The following PDCD4 variants were observed in gnomAD, a reference collection of about 807,000 sequenced individuals.
PDCD4 encodes the protein programmed cell death protein 4.
A neutral mutation model predicts 54.0 loss-of-function variants in PDCD4; 56 were observed. The ratio of observed to expected loss-of-function variants is 1.04; its 90% CI spans 0.84 to 1.30. The LOEUF (loss-of-function observed/expected upper bound fraction) is 1.30. Ranked by LOEUF, PDCD4 falls within the 50% of genes most tolerant of loss-of-function variation. The probability of loss-of-function intolerance (pLI) is 0.00; values close to 1 mark genes in which losing one functional copy is unlikely to be tolerated. For synonymous variants in PDCD4, 186 were observed against 194.8 expected (o/e 0.95, Z 0.37); for missense variants, 584 against 559.8 (o/e 1.04, Z -0.44).
At chr10:110,896,751 TCA>T (rs1161630371) in intron 11 of PDCD4, among the ~76,000 whole-genome samples, 1 of 152,166 alleles carries the variant, frequency 6.6e-6, no homozygotes, top group African/African-American at 2.4e-5. Flanking sequence ...CTTGTGTGGG[TCA>T]GTTTTATATA....
chr10:110,895,523 T>C (rs1391021354), intron 10 of PDCD4, among the ~76,000 whole-genome samples: 1 of 152,184 alleles, frequency 6.6e-6, no homozygotes, highest in African/African-American at 2.4e-5. Context: ...CTGTTGTGAA[T>C]AGTACCCGAT....
chr10:110,886,390 A>G (rs1403559070), intron 5 of PDCD4, among the ~76,000 whole-genome samples: 2 of 152,152 alleles, frequency 1.3e-5, no homozygotes, highest in African/African-American at 2.4e-5. Context: ...CAGTTAAGAT[A>G]GTTTTCCAGG....
intron 2 of PDCD4, among the ~76,000 whole-genome samples, chr10:110,879,100 T>C (rs1885788): frequency 1 from 151,879 of 152,338 alleles, 75,710 homozygotes; most frequent in East Asian, 1. Context: ...TCTTTAAAAG[T>C]GTAACATTAT....
At position 110,896,035 on chromosome 10, in the gene PDCD4, T is replaced by C. The variant is rs1365471615; in HGVS notation, c.1297T>C (p.Cys433Arg). 2.5e-6 allele frequency: 4 copies of C among 1,611,464 alleles called. No individual in the cohort carries two copies. Among genetic ancestry groups the C allele is most frequent in the Non-Finnish European group, 8.5e-7 (1 of 1,178,324 alleles). The change falls in exon 11 of 12, where the codon TGT (cysteine) becomes CGT (arginine). Residue 433 changes from cysteine (C) to arginine (R), a missense_variant. Transcript: ENST00000280154. The stretch of plus-strand genomic sequence containing the variant: ...TGTGCTGGAGCGGTTTGTAGAAGAA[T>C]GTTTTCAGGCTGGAATAATTTCCAA... ...YSVLERFVEE[C>R]FQAGIISKQL...
intron 6 of PDCD4, 23 bp from the exon 7 acceptor site, chr10:110,889,510 T>C (rs754160800): frequency 7.6e-7 from 1 of 1,320,344 alleles, no homozygotes; most frequent in East Asian, 2.3e-5. Flanking sequence ...TTTTTATAGC[T>C]CTTTTTTTTT....
chr10:110,887,800 A>G lies in PDCD4; in HGVS notation c.691A>G (p.Met231Val), dbSNP rs769124369. The change falls in exon 6 of 12, where the codon ATG (methionine) becomes GTG (valine). Residue 231 changes from methionine to valine, a missense_variant. Transcript: ENST00000280154. ...TCTTTCTGACCTTTGTGGGACAGTAATGAGCACAACTGATGTGGAAAAATC... is the reference window on the plus strand; with the variant it reads ...TCTTTCTGACCTTTGTGGGACAGTAGTGAGCACAACTGATGTGGAAAAATC... ...KLLSDLCGTV[M>V]STTDVEKSFD... 6.2e-6 allele frequency: 10 copies of G among 1,613,668 alleles called. No individual in the cohort carries two copies. Among genetic ancestry groups the G allele is most frequent in the South Asian group, 2.2e-5 (2 of 91,080 alleles).
chr10:110,879,105 CATT>C (rs1487674516), intron 2 of PDCD4, among the ~76,000 whole-genome samples: 1 of 152,148 alleles, frequency 6.6e-6, no homozygotes, highest in Non-Finnish European at 1.5e-5. Context: ...AAAAGTGTAA[CATT>C]ATTATTTATC....
At chr10:110,876,603 AAT>A in intron 2 of PDCD4, 3 of 455,006 alleles carry the variant, frequency 6.6e-6, no homozygotes, top group Non-Finnish European at 1.1e-5. Context: ...TGATTTCTGT[AAT>A]ATAAACTTAC....
intron 6 of PDCD4, among the ~76,000 whole-genome samples, chr10:110,888,508 A>T (rs569357308): frequency 1.3e-5 from 2 of 152,314 alleles, no homozygotes; most frequent in South Asian, 4.1e-4. Context: ...AAATGATTAC[A>T]TAAGTTTATA....
rs143809858 is a variant in PDCD4, at chr10:110,890,645, A to G, written c.965A>G (p.Gln322Arg). 2.0e-4 allele frequency: 328 copies of G among 1,609,360 alleles called. 1 individual carries two copies. Among genetic ancestry groups the G allele is most frequent in the Non-Finnish European group, 2.6e-4 (308 of 1,176,052 alleles). ...DSVWGSGGGQ[Q>R]SVNHLVKEID... The stretch of plus-strand genomic sequence containing the variant: ...GTGTGGGGCTCTGGAGGTGGGCAGC[A>G]ATCTGTCAATCACCTTGTTAAAGAG... Residue 322 changes from glutamine (Q) to arginine (R), a missense_variant, in exon 8 of 12, where the codon CAA (glutamine) becomes CGA (arginine). By Grantham distance (43) the Gln-to-Arg change is conservative. Transcript: ENST00000280154.
At position 110,876,892 on chromosome 10, in the gene PDCD4, T is replaced by G. The variant is rs1590726607; in HGVS notation, c.43+822T>G. On this transcript the variant is annotated intron_variant, in intron 2 of 11. Transcript: ENST00000280154. ...TTTGGATAATTCTTTGTCTTATAAT[T>G]TTATTAATATTGAAAGCTATTTTCT... 3 of 379,690 alleles carry G rather than the reference T, an allele frequency of 7.9e-6. No homozygotes were observed. The East Asian group carries it at 1.1e-4, about 15-fold the overall frequency. 23.5% of individuals were successfully genotyped at this position (379,690 alleles called of 1,614,324 possible).
chr10:110,895,953 T>C lies in PDCD4; in HGVS notation c.1215T>C (p.Tyr405=). ...ATGTAATTTCATTGTTGTAGGGTTA[T>C]GAGAGAATTTACAATGAAATTCCGG... is the stretch of plus-strand genomic sequence containing the variant. ...TITVDQMKRG[Y]ERIYNEIPDI... The change falls in exon 11 of 12, where the codon TAT becomes TAC. Residue 405 remains tyrosine, a synonymous_variant. Coordinates refer to ENST00000280154, the MANE Select transcript of PDCD4 (RefSeq NM_014456.5). The C allele has an allele frequency of 6.3e-6, 10 of 1,597,868 alleles. No homozygotes were observed. Among genetic ancestry groups the C allele is most frequent in the Non-Finnish European group, 8.5e-6 (10 of 1,171,958 alleles).
intron 1 of PDCD4, among the ~76,000 whole-genome samples, chr10:110,874,769 TTA>T (rs1484609912): frequency 1.3e-5 from 2 of 152,128 alleles, no homozygotes; most frequent in Admixed American, 1.3e-4. Context: ...GGCTATAAAC[TTA>T]TGTTAGCAAA....
At chr10:110,875,905 C>T in intron 1 of PDCD4, 61 bp from the exon 2 acceptor site, 1 of 608,124 alleles carries the variant, frequency 1.6e-6, no homozygotes, top group Non-Finnish European at 2.7e-6. Flanking sequence ...AAGTTTAATT[C>T]AGCTTAATTA....
In PDCD4 at chr10:110,899,716, G is replaced by C. The variant is rs1191722221; in HGVS notation, c.*1628G>C. 6.6e-6 allele frequency: 1 copy of C among 151,782 alleles called. No homozygotes were observed. Among genetic ancestry groups the C allele is most frequent in the African/African-American group, 2.4e-5 (1 of 41,226 alleles). The allele number at this position is 151,782 out of a possible 1,614,324, so 9.4% of individuals were successfully genotyped here. On this transcript the variant is annotated 3_prime_UTR_variant, in exon 12 of 12. Coordinates refer to ENST00000280154, the MANE Select transcript of PDCD4 (RefSeq NM_014456.5). ...GGAGGCTGAGGCAGGAGAATTGCTT[G>C]AACCTGGGAGGCAGAGGTTGCAGTG...
At chr10:110,873,758 A>G (rs953651802) in intron 1 of PDCD4, among the ~76,000 whole-genome samples, 6 of 152,194 alleles carry the variant, frequency 3.9e-5, no homozygotes, top group East Asian at 3.8e-4. Flanking sequence ...AAACTCTTAA[A>G]ACGTGTTTGT....
chr10:110,881,393 C>T lies in PDCD4; in HGVS notation c.204C>T (p.Ser68=), dbSNP rs1243168649. 6.2e-7 allele frequency: 1 copy of T among 1,613,968 alleles called. No individual in the cohort carries two copies. Among genetic ancestry groups the T allele is most frequent in the African/African-American group, 1.3e-5 (1 of 74,896 alleles). ...AAAGGCGACTAAGGAAAAACTCATC[C>T]CGGGACTCTGGCAGAGGCGATTCGG... is the stretch of plus-strand genomic sequence containing the variant. The part of the protein sequence containing the change: ...KAKRRLRKNS[S]RDSGRGDSVS... Residue 68 remains serine (S), a synonymous_variant, in exon 3 of 12, where the codon TCC becomes TCT. Transcript: ENST00000280154.
At chr10:110,897,522 C>T (rs1041669189) in intron 11 of PDCD4, among the ~76,000 whole-genome samples, 1 of 152,158 alleles carries the variant, frequency 6.6e-6, no homozygotes, top group Admixed American at 6.6e-5. Context: ...AAGCACGAAT[C>T]CCAAAATGGG....
chr10:110,880,171 G>A (rs544842377), intron 2 of PDCD4: 4 of 152,328 alleles, frequency 2.6e-5, no homozygotes, highest in African/African-American at 9.6e-5. Context: ...GCTAGGTGAT[G>A]GGGATACAAA....
Sources: gnomAD v4.1 joint callset for allele counts (sites outside exome capture counted in the v4.1 genomes callset) on GRCh38, gnomAD v4.1.1 for gene constraint, MANE v1.5 for transcripts, NCBI Gene and HGNC (gene_info 2026-07-23, HGNC 2026-07-21) for gene names.